The following EDA variants were observed in gnomAD, a reference collection of about 807,000 sequenced individuals.
EDA encodes ectodysplasin-A.
In EDA, 2 loss-of-function variants were observed where a neutral mutation model predicts 23.6. The ratio of observed to expected loss-of-function variants is 0.08; its 90% confidence interval spans 0.03 to 0.27. EDA has a LOEUF of 0.27. EDA is among the 10% of genes least tolerant of loss of function. The pLI, the probability that EDA is intolerant of heterozygous loss-of-function variation, is 1.00. For synonymous variants in EDA, 131 were observed against 132.0 expected (o/e 0.99, Z 0.05); for missense variants, 229 against 324.2 (o/e 0.71, Z 2.26).
At chrX:69,877,616 CA>C (rs2017667475) in intron 1 of EDA, among the ~76,000 whole-genome samples, 1 of 110,154 alleles carries the variant, frequency 9.1e-6, no homozygotes, top group Non-Finnish European at 1.9e-5. Context: ...TATTTTTTCT[CA>C]GTCTGTGAGT....
Position 69,982,798 on chromosome X carries a change from T to C in EDA, c.502+25666T>C, listed in dbSNP as rs12555973. ...CCCCTTGGTGCAGAGCTGAGTTCAA[T>C]TCCTGGGTATCCTTGTTGACTTTCT... On this transcript the variant is annotated intron_variant, in intron 2 of 7. Transcript: ENST00000374552. Among the ~76,000 whole-genome samples, 227 of 88,286 alleles carry C rather than the reference T, an allele frequency of 2.6e-3. 3 individuals are homozygous for C. In the Admixed American group the frequency reaches 0.027, roughly 10 times the overall value. The allele number at this position is 88,286 out of a possible 115,157, so 76.7% of individuals were successfully genotyped here. A position where few individuals can be genotyped will look rare whatever the true frequency, so the allele number is the denominator to read the frequency against.
At chrX:69,783,982 T>C (rs1467902246) in intron 1 of EDA, among the ~76,000 whole-genome samples, 4 of 108,060 alleles carry the variant, frequency 3.7e-5, no homozygotes, top group African/African-American at 1.3e-4. Context: ...ATGATTGCCA[T>C]TCTAACTGGT....
chrX:69,955,807 C>T (rs769279164), intron 1 of EDA, among the ~76,000 whole-genome samples: 175 of 111,706 alleles, frequency 1.6e-3, no homozygotes, highest in African/African-American at 5.5e-3. Flanking sequence ...TAACTTGTTC[C>T]AGGTTATACA....
intron 1 of EDA, among the ~76,000 whole-genome samples, chrX:69,826,151 G>T (rs1302142731): frequency 9.0e-6 from 1 of 111,590 alleles, no homozygotes; most frequent in Non-Finnish European, 1.9e-5. Context: ...GGTGTGATGT[G>T]GTGCTGAGAA....
At chrX:69,925,238 A>G (rs898205428) in intron 1 of EDA, among the ~76,000 whole-genome samples, 1 of 111,820 alleles carries the variant, frequency 8.9e-6, no homozygotes, top group Non-Finnish European at 1.9e-5. Flanking sequence ...TGGTTTTCAA[A>G]GGGAATGTGT....
intron 2 of EDA, among the ~76,000 whole-genome samples, chrX:69,991,793 C>T (rs2019592397): frequency 8.9e-6 from 1 of 112,016 alleles, no homozygotes; most frequent in African/African-American, 3.2e-5. Flanking sequence ...TGCCTTCTGC[C>T]ATTGGGTAAA....
intron 1 of EDA, among the ~76,000 whole-genome samples, chrX:69,915,740 C>G (rs2018332713): frequency 9.0e-6 from 1 of 111,302 alleles, no homozygotes; most frequent in Non-Finnish European, 1.9e-5. Flanking sequence ...TTTTATGGTC[C>G]AGTAGAGAAG....
intron 1 of EDA, among the ~76,000 whole-genome samples, chrX:69,720,090 G>A (rs746152707): frequency 9.9e-5 from 11 of 111,523 alleles, no homozygotes; most frequent in Non-Finnish European, 1.7e-4. Flanking sequence ...GGGCACTTAG[G>A]TTGGTTCTAT....
chrX:70,039,012 A>C lies in EDA; in HGVS notation c.*3403A>C, dbSNP rs1013466392. On this transcript the variant is annotated 3_prime_UTR_variant, in exon 8 of 8. Transcript: ENST00000374552. Reference sequence around the variant, plus strand: ...CTTGGCCCCCTTCAGGAGCCTGGCCAGGCAGGGAGAGAGTAGCTGCAGCCT... The same window carrying C: ...CTTGGCCCCCTTCAGGAGCCTGGCCCGGCAGGGAGAGAGTAGCTGCAGCCT... The C allele has an allele frequency of 8.9e-6, 1 of 111,962 alleles. No homozygotes were observed. Among genetic ancestry groups the C allele is most frequent in the East Asian group, 2.8e-4 (1 of 3,536 alleles). 9.2% of individuals were successfully genotyped at this position (111,962 alleles called of 1,213,427 possible).
At chrX:69,668,882 T>C (rs1211952095) in intron 1 of EDA, among the ~76,000 whole-genome samples, 1 of 112,132 alleles carries the variant, frequency 8.9e-6, no homozygotes, top group Non-Finnish European at 1.9e-5. Context: ...TTCCCTACTA[T>C]TATTGTATTG....
At chrX:69,928,128 A>G (rs1297409417) in intron 1 of EDA, among the ~76,000 whole-genome samples, 2 of 111,064 alleles carry the variant, frequency 1.8e-5, no homozygotes, top group Non-Finnish European at 3.8e-5. Flanking sequence ...CCTTTTGTAC[A>G]TACTATTCCG....
At chrX:70,002,925 G>A (rs2019758584) in intron 2 of EDA, among the ~76,000 whole-genome samples, 2 of 112,225 alleles carry the variant, frequency 1.8e-5, no homozygotes, top group African/African-American at 3.2e-5. Flanking sequence ...TCACTATACA[G>A]AGTTCATTGT....
intron 1 of EDA, chrX:69,937,114 A>G (rs748538019): frequency 8.5e-5 from 73 of 856,704 alleles, no homozygotes; most frequent in Non-Finnish European, 9.9e-5. Context: ...ATATACAAGC[A>G]TGTGTGTAGC....
At chrX:69,717,314 G>T (rs2012378615) in intron 1 of EDA, among the ~76,000 whole-genome samples, 1 of 111,085 alleles carries the variant, frequency 9.0e-6, no homozygotes, top group African/African-American at 3.3e-5. Flanking sequence ...AGTATATACA[G>T]CCTGTATGTG....
At chrX:69,887,734 A>C (rs1311376159) in intron 1 of EDA, among the ~76,000 whole-genome samples, 5 of 112,121 alleles carry the variant, frequency 4.5e-5, no homozygotes, top group Admixed American at 1.9e-4. Context: ...ACTTCTCAAC[A>C]GAAAATCTTG....
chrX:69,964,697 T>C (rs150501868), intron 2 of EDA, among the ~76,000 whole-genome samples: 2 of 111,590 alleles, frequency 1.8e-5, no homozygotes, highest in Non-Finnish European at 3.8e-5. Flanking sequence ...GTTAATCTGT[T>C]GGCTGAGTGG....
chrX:69,924,098 T>C (rs1037768959), intron 1 of EDA, among the ~76,000 whole-genome samples: 1 of 111,600 alleles, frequency 9.0e-6, no homozygotes, highest in African/African-American at 3.3e-5. Flanking sequence ...GCAAAAGTTT[T>C]CTCCCATTCT....
At chrX:69,872,971 A>T (rs982714969) in intron 1 of EDA, among the ~76,000 whole-genome samples, 6 of 111,522 alleles carry the variant, frequency 5.4e-5, no homozygotes, top group African/African-American at 2.0e-4. Context: ...CACATGGAAC[A>T]TTCTCCAAGA....
At chrX:69,628,463 T>C (rs1932463214) in intron 1 of EDA, among the ~76,000 whole-genome samples, 2 of 111,238 alleles carry the variant, frequency 1.8e-5, no homozygotes, top group African/African-American at 6.5e-5. Context: ...AGTAGGGGGA[T>C]TGTATCCTCA....
Sources: gnomAD v4.1 joint callset for allele counts (sites outside exome capture counted in the v4.1 genomes callset) on GRCh38, gnomAD v4.1.1 for gene constraint, MANE v1.5 for transcripts, NCBI Gene and HGNC (gene_info 2026-07-23, HGNC 2026-07-21) for gene names.